CHLSN: variants seen among roughly 807,000 people sequenced by gnomAD.
CHLSN encodes cholesin.
At chr7:1,042,775 G>A in the CHLSN span, among the ~76,000 whole-genome samples, 2 of 152,116 alleles carry the variant, frequency 1.3e-5, no homozygotes, top group African/African-American at 2.4e-5. Context: ...CTCTGACCAG[G>A]GATTCTGAGG....
chr7:1,021,686 G>A, the CHLSN span: 2 of 433,438 alleles, frequency 4.6e-6, no homozygotes, highest in East Asian at 1.6e-4. Context: ...GTCGGCTGGA[G>A]GCAGGACACC....
At chr7:1,134,966 C>T in the CHLSN span, among the ~76,000 whole-genome samples, 1 of 152,128 alleles carries the variant, frequency 6.6e-6, no homozygotes, top group East Asian at 1.9e-4. Flanking sequence ...AGGCTTTTGC[C>T]CCAAACACCC....
chr7:1,016,897 C>G, the CHLSN span, among the ~76,000 whole-genome samples: 1 of 133,474 alleles, frequency 7.5e-6, no homozygotes, highest in African/African-American at 2.8e-5. Context: ...CACCAGCGCA[C>G]AGCAGCACAC....
the CHLSN span, chr7:1,057,416 C>G: frequency 3.2e-6 from 2 of 627,808 alleles, no homozygotes; most frequent in Non-Finnish European, 5.8e-6. Flanking sequence ...GAGAAGGCAC[C>G]CCTGTACCTG....
the CHLSN span, among the ~76,000 whole-genome samples, chr7:991,364 G>A: frequency 2.0e-5 from 3 of 152,172 alleles, no homozygotes; most frequent in South Asian, 2.1e-4. Flanking sequence ...CAAGTTAGGC[G>A]GTCCAAATGC....
the CHLSN span, among the ~76,000 whole-genome samples, chr7:1,114,843 G>A: frequency 1.4e-4 from 21 of 152,356 alleles, no homozygotes; most frequent in South Asian, 3.3e-3. Context: ...GGAGGTGGAG[G>A]GGCTCGCAGG....
the CHLSN span, among the ~76,000 whole-genome samples, chr7:1,051,989 A>G: frequency 0.11 from 17,329 of 152,310 alleles, 1,194 homozygotes; most frequent in Middle Eastern, 0.21. Flanking sequence ...AAACAGAAAA[A>G]TAAAAACAGA....
the CHLSN span, chr7:1,093,514 AG>A: frequency 1.1e-5 from 5 of 470,804 alleles, no homozygotes; most frequent in African/African-American, 8.0e-5. Context: ...CCGGAGCAGC[AG>A]GAAGGCCCCT....
chr7:1,021,074 C>T, the CHLSN span, among the ~76,000 whole-genome samples: 1 of 150,704 alleles, frequency 6.6e-6, no homozygotes, highest in African/African-American at 2.4e-5. Flanking sequence ...GACCTTCAGG[C>T]AGGCACCTCC....
the CHLSN span, among the ~76,000 whole-genome samples, chr7:1,018,248 C>T: frequency 6.6e-6 from 1 of 151,358 alleles, no homozygotes; most frequent in Non-Finnish European, 1.5e-5. Context: ...CGAGGCCCTA[C>T]AGGAACAGGG....
chr7:1,106,804 T>C, the CHLSN span, among the ~76,000 whole-genome samples: 2 of 152,190 alleles, frequency 1.3e-5, no homozygotes, highest in African/African-American at 4.8e-5. Flanking sequence ...CAAGTCTGAA[T>C]CTGCCGCCCC....
the CHLSN span, among the ~76,000 whole-genome samples, chr7:1,065,432 G>A: frequency 1.1e-3 from 174 of 152,376 alleles, no homozygotes; most frequent in Non-Finnish European, 2.2e-3. Context: ...ATCAACAGGT[G>A]GACAGATAAA....
At chr7:997,618 G>A in the CHLSN span, 1 of 1,592,604 alleles carries the variant, frequency 6.3e-7, no homozygotes, top group Non-Finnish European at 8.5e-7. Flanking sequence ...GCCCCGCGCT[G>A]AACCCACTAG....
the CHLSN span, among the ~76,000 whole-genome samples, chr7:1,124,675 G>A: frequency 1.3e-5 from 2 of 149,398 alleles, no homozygotes; most frequent in Admixed American, 6.7e-5. Flanking sequence ...TAACTAACCT[G>A]CACAATGTGC....
the CHLSN span, among the ~76,000 whole-genome samples, chr7:1,008,289 G>A: frequency 5.9e-5 from 9 of 152,192 alleles, no homozygotes; most frequent in African/African-American, 1.9e-4. Context: ...AACGGCCTCT[G>A]AAGCCCTCTC....
the CHLSN span, among the ~76,000 whole-genome samples, chr7:1,099,329 A>G: frequency 1.3e-5 from 2 of 152,250 alleles, no homozygotes; most frequent in African/African-American, 2.4e-5. Flanking sequence ...ACCATCGGAC[A>G]GTGCTGGCTA....
At chr7:1,013,030 C>T in the CHLSN span, among the ~76,000 whole-genome samples, 1 of 152,148 alleles carries the variant, frequency 6.6e-6, no homozygotes, top group African/African-American at 2.4e-5. Flanking sequence ...GCACAGGCCG[C>T]GGCAGGTCGT....
At chr7:1,070,564 AC>A in the CHLSN span, among the ~76,000 whole-genome samples, 1 of 148,650 alleles carries the variant, frequency 6.7e-6, no homozygotes. Context: ...ACACACGTGC[AC>A]ACACGCAAAC....
chr7:1,006,776 G>A, the CHLSN span, among the ~76,000 whole-genome samples: 2 of 151,160 alleles, frequency 1.3e-5, no homozygotes, highest in Non-Finnish European at 3.0e-5. Context: ...AGCACACGAC[G>A]GCCACAGCGC....
Sources: allele counts gnomAD v4.1 joint callset (sites outside exome capture counted in the v4.1 genomes callset), GRCh38; gene constraint gnomAD v4.1.1; transcripts MANE v1.5; gene names NCBI Gene and HGNC (gene_info 2026-07-23, HGNC 2026-07-21).